LGI1: variants seen among roughly 807,000 people sequenced by gnomAD.
The protein encoded by LGI1 is leucine-rich glioma-inactivated protein 1.
LGI1 carries 11 observed loss-of-function variants against 57.7 expected under a neutral mutation model. The observed-to-expected ratio is 0.19, with a 90% CI of 0.12 to 0.32. The LOEUF is 0.32. Ranked by LOEUF, LGI1 falls within the 10% of genes least tolerant of loss-of-function variation. LGI1 has a pLI of 1.00. For missense variants in LGI1, 422 were observed against 661.9 expected (o/e 0.64, Z 3.98); for synonymous variants, 222 against 241.9 (o/e 0.92, Z 0.76).
intron 4 of LGI1, chr10:93,783,063 C>T (rs1324127215): frequency 6.6e-6 from 1 of 152,214 alleles, no homozygotes; most frequent in Non-Finnish European, 1.5e-5. Flanking sequence ...CATTCAGCTG[C>T]GCAATATCTC....
intron 2 of LGI1, 157 bp from the exon 3 acceptor site, chr10:93,777,222 A>G (rs1285040644): frequency 2.8e-6 from 2 of 712,368 alleles, no homozygotes; most frequent in East Asian, 5.4e-5. Context: ...GAGTAAAAAA[A>G]TGCTGCATAG....
At chr10:93,774,169 G>C (rs1482974462) in intron 2 of LGI1, among the ~76,000 whole-genome samples, 1 of 152,174 alleles carries the variant, frequency 6.6e-6, no homozygotes, top group Non-Finnish European at 1.5e-5. Flanking sequence ...AAAGGGGACA[G>C]TGTTTTGACT....
chr10:93,787,906 C>CAAAAAAAAAAAA (rs61222250), intron 4 of LGI1, among the ~76,000 whole-genome samples: 1 of 115,708 alleles, frequency 8.6e-6, no homozygotes, highest in African/African-American at 3.1e-5. Context: ...GACCCTGTCT[C>CAAAAAAAAAAAA]AAAAAAAAAA....
chr10:93,787,055 C>T (rs528453852), intron 4 of LGI1, among the ~76,000 whole-genome samples: 1 of 152,292 alleles, frequency 6.6e-6, no homozygotes, highest in East Asian at 1.9e-4. Flanking sequence ...CTCCAGCTCC[C>T]TAGCCTTGGA....
rs767491633 is a variant in LGI1 at position 93,797,536 on chromosome 10, G to A, written c.1407G>A (p.Gln469=). The A allele has an allele frequency of 1.2e-6, 2 of 1,614,176 alleles. No individual in the cohort carries two copies. The highest frequency in any genetic ancestry group is 3.3e-5 in the Admixed American group (2 of 60,008). ...KWGGSSFQDI[Q]RMPSRGSMVF... is the part of the protein sequence containing the mutation. ...GAGGCTCCTCGTTCCAGGATATTCAGAGGATGCCATCGCGAGGATCCATGG... is the reference window on the plus strand; with the variant it reads ...GAGGCTCCTCGTTCCAGGATATTCAAAGGATGCCATCGCGAGGATCCATGG... Residue 469 remains glutamine, a synonymous_variant, in exon 8 of 8, where the codon CAG becomes CAA. Transcript: ENST00000371418. The surrounding 1 kb of genome is among the most constrained non-coding windows in gnomAD (Gnocchi z 6.5).
In LGI1 at chr10:93,758,207, T is replaced by C. The variant is rs1300409685; in HGVS notation, c.63T>C (p.Tyr21=). 6.2e-7 allele frequency: 1 copy of C among 1,614,092 alleles called. No homozygotes were observed. The highest frequency in any genetic ancestry group is 1.3e-5 in the African/African-American group (1 of 74,932). The part of the protein sequence containing the change: ...NACIPLKRIA[Y]FLCLLSALLL... Reference sequence around the variant, plus strand: ...GCATTCCCCTGAAAAGAATTGCTTATTTCCTATGTCTCTTATCTGCGCTTT... The same window carrying C: ...GCATTCCCCTGAAAAGAATTGCTTACTTCCTATGTCTCTTATCTGCGCTTT... Residue 21 remains tyrosine, a synonymous_variant, in exon 1 of 8, where the codon TAT becomes TAC. Transcript: ENST00000371418. This position sits in a 1 kb window ranked among gnomAD's most constrained non-coding sequence, Gnocchi z 4.7.
intron 5 of LGI1, chr10:93,791,283 G>T (rs971310484): frequency 6.6e-6 from 1 of 152,222 alleles, no homozygotes; most frequent in Admixed American, 6.5e-5. Flanking sequence ...ATTAGTGTGG[G>T]TCAGAGTTCT....
chr10:93,775,393 C>T (rs1184025293), intron 2 of LGI1, among the ~76,000 whole-genome samples: 1 of 152,148 alleles, frequency 6.6e-6, no homozygotes, highest in Non-Finnish European at 1.5e-5. Flanking sequence ...GTAGTTCTCA[C>T]CAGAGGTTTT....
intron 7 of LGI1, among the ~76,000 whole-genome samples, chr10:93,795,602 C>A (rs2059973784): frequency 6.6e-6 from 1 of 152,062 alleles, no homozygotes; most frequent in South Asian, 2.1e-4. Context: ...AAATATATGC[C>A]CCATACTCAG....
rs955901244 is a variant in LGI1, at chr10:93,798,075, A to G, written c.*272A>G. ...TTTAATGGTATCTGTTACTCCAAAAAGAAATATTAATATGTACTTTTCCAT... is the reference window on the plus strand; with the variant it reads ...TTTAATGGTATCTGTTACTCCAAAAGGAAATATTAATATGTACTTTTCCAT... On this transcript the variant is annotated 3_prime_UTR_variant, in exon 8 of 8. Transcript: ENST00000371418. 1.1e-4 allele frequency: 51 copies of G among 474,922 alleles called. No individual in the cohort carries two copies. Among genetic ancestry groups the G allele is most frequent in the Middle Eastern group, 5.8e-4 (1 of 1,728 alleles). 29.4% of individuals were successfully genotyped at this position (474,922 alleles called of 1,614,324 possible). A position where few individuals can be genotyped will look rare whatever the true frequency, so the allele number is the denominator to read the frequency against.
intron 7 of LGI1, 151 bp downstream of exon 7, chr10:93,793,501 A>G (rs777252300): frequency 4.3e-6 from 3 of 703,396 alleles, no homozygotes; most frequent in Non-Finnish European, 7.5e-6. Context: ...TCTAAGCCAT[A>G]ATTTCCCCAC....
chr10:93,774,863 G>C (rs907539000), intron 2 of LGI1, among the ~76,000 whole-genome samples: 1 of 152,192 alleles, frequency 6.6e-6, no homozygotes, highest in Admixed American at 6.5e-5. Flanking sequence ...TTAAGGGTCA[G>C]AGTTTCATCC....
intron 2 of LGI1, chr10:93,768,256 G>T (rs906667595): frequency 3.5e-4 from 54 of 152,180 alleles, no homozygotes; most frequent in African/African-American, 1.3e-3. Context: ...ACTAAAAAGA[G>T]GGAGCTGGCT....
intron 5 of LGI1, chr10:93,790,659 A>G (rs2059929802): frequency 6.4e-6 from 1 of 156,626 alleles, no homozygotes; most frequent in Non-Finnish European, 1.4e-5. Flanking sequence ...AGACTGAACA[A>G]CAACTCTAAG....
chr10:93,790,054 A>G (rs1450707934), intron 4 of LGI1, 45 bp from the exon 5 acceptor site: 2 of 1,536,144 alleles, frequency 1.3e-6, no homozygotes, highest in African/African-American at 2.8e-5. Flanking sequence ...GCCTTTGTTT[A>G]ATTTATCACT....
intron 4 of LGI1, among the ~76,000 whole-genome samples, chr10:93,787,906 CAAAA>C (rs61222250): frequency 2.7e-4 from 31 of 115,646 alleles, no homozygotes; most frequent in Admixed American, 2.6e-4. Flanking sequence ...GACCCTGTCT[CAAAA>C]AAAAAAAAAA....
At chr10:93,791,092 T>C (rs1428678380) in intron 5 of LGI1, 1 of 152,248 alleles carries the variant, frequency 6.6e-6, no homozygotes, top group African/African-American at 2.4e-5. Flanking sequence ...AGTAGCCTAA[T>C]GAAAAACTTT....
rs1374346891 is a variant in LGI1, at chr10:93,777,421, T to C, written c.330T>C (p.Ala110=). Residue 110 remains alanine (A), a synonymous_variant, in exon 3 of 8, where the codon GCT becomes GCC. Coordinates refer to ENST00000371418, the MANE Select transcript of LGI1 (RefSeq NM_005097.4). ...CCTTTGATGTGATCAGTGATGATGC[T>C]TTTATTGGTCTTCCACATCTAGAGT... ...SNSFDVISDD[A]FIGLPHLEYL... The C allele has an allele frequency of 6.2e-7, 1 of 1,614,134 alleles. No individual in the cohort carries two copies. Among genetic ancestry groups the C allele is most frequent in the Non-Finnish European group, 8.5e-7 (1 of 1,179,978 alleles).
At position 93,777,435 on chromosome 10, in the gene LGI1, C is replaced by T. The variant is rs763321607; in HGVS notation, c.344C>T (p.Pro115Leu). ...AGTGATGATGCTTTTATTGGTCTTCCACATCTAGAGTATTTGTAAGTAAAA... is the reference window on the plus strand; with the variant it reads ...AGTGATGATGCTTTTATTGGTCTTCTACATCTAGAGTATTTGTAAGTAAAA... ...VISDDAFIGL[P>L]HLEYLFIENN... is the part of the protein sequence containing the mutation. The change falls in exon 3 of 8, where the codon CCA becomes CTA. Residue 115 changes from proline to leucine, a missense_variant. Around this residue, in one of 3 missense-constraint regions of LGI1, gnomAD observed 63 missense variants for 138.4 expected, o/e 0.46. Transcript: ENST00000371418. 77 of 1,613,780 alleles carry T rather than the reference C, an allele frequency of 4.8e-5. No individual in the cohort carries two copies. The highest frequency in any genetic ancestry group is 6.4e-5 in the Non-Finnish European group (75 of 1,179,860).
Sources: gnomAD v4.1 joint callset for allele counts (sites outside exome capture counted in the v4.1 genomes callset) on GRCh38, gnomAD v4.1.1 for gene constraint, gnomAD v4.1.1 regional missense constraint, Gnocchi (gnomAD v3.1) non-coding constraint, MANE v1.5 for transcripts, NCBI Gene and HGNC (gene_info 2026-07-23, HGNC 2026-07-21) for gene names.